The following DNAJC27 variants were observed in gnomAD, a reference collection of about 807,000 sequenced individuals.
DNAJC27 encodes the protein DnaJ heat shock protein family (Hsp40) member C27.
A neutral mutation model predicts 31.4 loss-of-function variants in DNAJC27; 25 were observed. The ratio of observed to expected loss-of-function variants is 0.80; its 90% CI spans 0.58 to 1.11. DNAJC27 has a LOEUF of 1.11. Ranked by LOEUF, DNAJC27 falls within the 50% of genes most tolerant of loss-of-function variation. The probability of loss-of-function intolerance (pLI) is 0.00; values close to 1 mark genes in which losing one functional copy is unlikely to be tolerated. For missense variants in DNAJC27, 356 were observed against 347.3 expected (o/e 1.02, Z -0.20); for synonymous variants, 106 against 112.7 (o/e 0.94, Z 0.37).
chr2:24,964,058 A>G (rs1040903126), intron 2 of DNAJC27, among the ~76,000 whole-genome samples: 1 of 152,232 alleles, frequency 6.6e-6, no homozygotes, highest in Non-Finnish European at 1.5e-5. Flanking sequence ...ACATCATAGC[A>G]TATTTGTTCC....
chr2:24,958,585 C>T (rs544463097), intron 3 of DNAJC27: 15 of 419,206 alleles, frequency 3.6e-5, no homozygotes, highest in Non-Finnish European at 5.5e-5. Context: ...AACCTCTCTG[C>T]GTCTCAGTTT....
rs1573105776 is a variant in DNAJC27 at position 24,947,489 on chromosome 2, A to G, written c.*127T>C. The G allele has an allele frequency of 7.6e-6, 9 of 1,191,018 alleles. No individual in the cohort carries two copies. The East Asian group carries it at 1.9e-4, about 25-fold the overall frequency. The allele number at this position is 1,191,018 out of a possible 1,614,324, so 73.8% of individuals were successfully genotyped here. A position where few individuals can be genotyped will look rare whatever the true frequency, so the allele number is the denominator to read the frequency against. Reference sequence around the variant, plus strand: ...AAATGGGTACCTGAATTACTGATATACAAATGACAACACATGAATGAAAAG... The same window carrying G: ...AAATGGGTACCTGAATTACTGATATGCAAATGACAACACATGAATGAAAAG... On this transcript the variant is annotated 3_prime_UTR_variant, in exon 7 of 7. Coordinates refer to ENST00000264711, the MANE Select transcript of DNAJC27 (RefSeq NM_016544.3).
chr2:24,954,396 T>A (rs1220292916), intron 5 of DNAJC27, among the ~76,000 whole-genome samples: 6 of 152,188 alleles, frequency 3.9e-5, no homozygotes, highest in African/African-American at 1.4e-4. Flanking sequence ...ACAGAAAGGC[T>A]GTGCCCTAAA....
chr2:24,968,515 TA>T (rs1336529709), intron 1 of DNAJC27, among the ~76,000 whole-genome samples: 1 of 151,634 alleles, frequency 6.6e-6, no homozygotes, highest in African/African-American at 2.4e-5. Flanking sequence ...TATTTATTAT[TA>T]TTATTTTTTT....
intron 1 of DNAJC27, among the ~76,000 whole-genome samples, chr2:24,970,746 C>T (rs1407569339): frequency 6.6e-6 from 1 of 151,266 alleles, no homozygotes; most frequent in Non-Finnish European, 1.5e-5. Flanking sequence ...CCTGAGCTAG[C>T]GTGCCCAGTC....
intron 6 of DNAJC27, among the ~76,000 whole-genome samples, chr2:24,948,506 G>A (rs1408387122): frequency 6.6e-6 from 1 of 152,178 alleles, no homozygotes; most frequent in African/African-American, 2.4e-5. Context: ...GAGCAAGCAA[G>A]GGATGCTGGA....
At position 24,944,791 on chromosome 2, in the gene DNAJC27, T is replaced by C. The variant is rs1205320506; in HGVS notation, c.*2825A>G. On this transcript the variant is annotated 3_prime_UTR_variant, in exon 7 of 7. Coordinates refer to ENST00000264711, the MANE Select transcript of DNAJC27 (RefSeq NM_016544.3). The stretch of plus-strand genomic sequence containing the variant: ...GGAACAGAGGAACAGAAGGAGGCTG[T>C]ATTTTAAAGTGCTTAGGTAGGTTAG... 1 of 152,652 alleles carries C rather than the reference T, an allele frequency of 6.6e-6. No individual in the cohort carries two copies. The highest frequency in any genetic ancestry group is 6.5e-5 in the Admixed American group (1 of 15,286). The allele number at this position is 152,652 out of a possible 1,614,324, so 9.5% of individuals were successfully genotyped here.
chr2:24,952,369 A>G (rs763181502), intron 5 of DNAJC27, among the ~76,000 whole-genome samples: 3 of 152,038 alleles, frequency 2.0e-5, no homozygotes, highest in Non-Finnish European at 2.9e-5. Flanking sequence ...AGCACCTTGT[A>G]TTTTTTTCCA....
intron 5 of DNAJC27, among the ~76,000 whole-genome samples, chr2:24,956,282 T>C (rs939865297): frequency 2.0e-5 from 3 of 152,238 alleles, no homozygotes; most frequent in Non-Finnish European, 2.9e-5. Context: ...AACTACATTA[T>C]TCATGCTACC....
chr2:24,956,511 C>CT (rs760670756), intron 5 of DNAJC27, among the ~76,000 whole-genome samples: 4 of 152,122 alleles, frequency 2.6e-5, no homozygotes, highest in Non-Finnish European at 5.9e-5. Context: ...CTCCTATTCT[C>CT]TAACTGCACC....
In DNAJC27 at chr2:24,946,196, G is replaced by C. The variant is rs1665648304; in HGVS notation, c.*1420C>G. 1 of 152,152 alleles carries C rather than the reference G, an allele frequency of 6.6e-6. No individual in the cohort carries two copies. The highest frequency in any genetic ancestry group is 1.5e-5 in the Non-Finnish European group (1 of 68,028). 9.4% of individuals were successfully genotyped at this position (152,152 alleles called of 1,614,324 possible). ...AAGGAGGAGACTGTGGTCAGAGAAT[G>C]TATTTTGTAAGCTATAGTTTAAAAA... On this transcript the variant is annotated 3_prime_UTR_variant, in exon 7 of 7. Coordinates refer to ENST00000264711, the MANE Select transcript of DNAJC27 (RefSeq NM_016544.3).
chr2:24,951,246 T>C, intron 6 of DNAJC27, 148 bp downstream of exon 6: 1 of 853,054 alleles, frequency 1.2e-6, no homozygotes, highest in Non-Finnish European at 1.8e-6. Flanking sequence ...GGTATTCAGC[T>C]AATTCAGTGA....
intron 4 of DNAJC27, 21 bp from the exon 5 acceptor site, chr2:24,957,186 G>A: frequency 6.4e-7 from 1 of 1,571,140 alleles, no homozygotes; most frequent in Non-Finnish European, 8.6e-7. Flanking sequence ...AGGGGCGGGG[G>A]ACAGAGAGAA....
intron 1 of DNAJC27, among the ~76,000 whole-genome samples, chr2:24,968,509 T>TATTA (rs1666244392): frequency 6.6e-6 from 1 of 151,494 alleles, no homozygotes; most frequent in Non-Finnish European, 1.5e-5. Flanking sequence ...TTTATTTATT[T>TATTA]ATTATTATTA....
Position 24,968,485 on chromosome 2 carries a change from A to AATTT in DNAJC27, c.88-1196_88-1193dup, listed in dbSNP as rs371492956. On this transcript the variant is annotated intron_variant, in intron 1 of 6. Transcript: ENST00000264711. The stretch of plus-strand genomic sequence containing the variant: ...ACACTTAAATCTTTTATCCATCTAG[A>AATTT]ATTTATTTATTTATTTATTTATTTA... Among the ~76,000 whole-genome samples, 608 of 151,406 alleles carry AATTT rather than the reference A, an allele frequency of 4.0e-3. 1 individual carries two copies. Among genetic ancestry groups the AATTT allele is most frequent in the African/African-American group, 0.011 (446 of 41,284 alleles).
Position 24,966,890 on chromosome 2 carries a change from G to A in DNAJC27, c.170+321C>T, listed in dbSNP as rs143523254. ...AAAATGCTCTAAAAACACACCTGCT[G>A]GAAGGACCTGCTAATATAAAAACAT... On this transcript the variant is annotated intron_variant, in intron 2 of 6. Transcript: ENST00000264711. Among the ~76,000 whole-genome samples, 141 of 152,284 alleles carry A rather than the reference G, an allele frequency of 9.3e-4. 1 individual carries two copies. The highest frequency in any genetic ancestry group is 3.2e-3 in the African/African-American group (132 of 41,556).
At chr2:24,948,496 G>A (rs1665696060) in intron 6 of DNAJC27, among the ~76,000 whole-genome samples, 1 of 152,210 alleles carries the variant, frequency 6.6e-6, no homozygotes, top group Non-Finnish European at 1.5e-5. Flanking sequence ...TGACACCACT[G>A]AGCAAGCAAG....
chr2:24,970,721 C>T (rs1313721138), intron 1 of DNAJC27, among the ~76,000 whole-genome samples: 2 of 151,502 alleles, frequency 1.3e-5, no homozygotes, highest in African/African-American at 4.8e-5. Flanking sequence ...TCCCAAAGTG[C>T]TGATGTATTA....
Position 24,946,749 on chromosome 2 carries a change from A to G in DNAJC27, c.*867T>C, listed in dbSNP as rs555140340. On this transcript the variant is annotated 3_prime_UTR_variant, in exon 7 of 7. Transcript: ENST00000264711. ...GGACTTGAGCTCCTGGGCTTAAGCA[A>G]TCCTCCTGTCTCAGCCTCCTGAGTA... is the stretch of plus-strand genomic sequence containing the variant. The G allele has an allele frequency of 6.5e-4, 99 of 152,154 alleles. No individual in the cohort carries two copies. Among genetic ancestry groups the G allele is most frequent in the African/African-American group, 2.4e-3 (99 of 41,482 alleles). The allele number at this position is 152,154 out of a possible 1,614,324, so 9.4% of individuals were successfully genotyped here.
Sources: allele counts gnomAD v4.1 joint callset (sites outside exome capture counted in the v4.1 genomes callset), GRCh38; gene constraint gnomAD v4.1.1; transcripts MANE v1.5; gene names NCBI Gene and HGNC (gene_info 2026-07-23, HGNC 2026-07-21).